The following SYT1 variants were observed in gnomAD, a reference collection of about 807,000 sequenced individuals.
SYT1 encodes the protein synaptotagmin 1, also known as synaptotagmin-1.
A neutral mutation model predicts 44.8 loss-of-function variants in SYT1; 8 were observed. The ratio of observed to expected loss-of-function variants is 0.18; its 90% CI spans 0.10 to 0.32. The LOEUF (loss-of-function observed/expected upper bound fraction) is 0.32. Ranked by LOEUF, SYT1 falls within the 10% of genes least tolerant of loss-of-function variation. The pLI is 1.00. For missense variants in SYT1, 286 were observed against 509.3 expected, an observed-to-expected ratio of 0.56 and a Z score of 4.22; for synonymous variants, 154 against 188.8, an observed-to-expected ratio of 0.82 and a Z score of 1.51.
chr12:78,868,866 T>C (rs1873678955), intron 1 of SYT1: 1 of 151,782 alleles, frequency 6.6e-6, no homozygotes, highest in South Asian at 2.1e-4. Context: ...ATATGTATCA[T>C]GATTGAAAAA....
chr12:79,094,451 C>A (rs1565803721), intron 3 of SYT1, among the ~76,000 whole-genome samples: 1 of 151,714 alleles, frequency 6.6e-6, no homozygotes, highest in Non-Finnish European at 1.5e-5. Context: ...GAAATTTTAT[C>A]CCATGTAGAT....
At chr12:79,068,905 A>G (rs551352735) in intron 3 of SYT1, among the ~76,000 whole-genome samples, 23 of 152,280 alleles carry the variant, frequency 1.5e-4, no homozygotes, top group South Asian at 6.2e-4. Flanking sequence ...TCCTTTTATG[A>G]TCTAGCAAAT....
chr12:79,223,543 C>G (rs1007501451), intron 4 of SYT1, among the ~76,000 whole-genome samples: 2 of 152,140 alleles, frequency 1.3e-5, no homozygotes, highest in Non-Finnish European at 2.9e-5. Flanking sequence ...ATGGCACTTC[C>G]AGAATCTCAG....
At chr12:79,160,338 A>C (rs1040485242) in intron 3 of SYT1, among the ~76,000 whole-genome samples, 101 of 152,258 alleles carry the variant, frequency 6.6e-4, no homozygotes, top group African/African-American at 2.3e-3. Context: ...CTCAGAAAAG[A>C]AGATAGAACT....
At chr12:79,266,872 A>G (rs930384617) in intron 4 of SYT1, among the ~76,000 whole-genome samples, 1 of 152,186 alleles carries the variant, frequency 6.6e-6, no homozygotes, top group Non-Finnish European at 1.5e-5. Flanking sequence ...TACTTAGGCA[A>G]GTGAGGGGCT....
chr12:79,162,737 A>G (rs1871024571), intron 3 of SYT1, among the ~76,000 whole-genome samples: 1 of 152,124 alleles, frequency 6.6e-6, no homozygotes, highest in Non-Finnish European at 1.5e-5. Flanking sequence ...AACTCATCCA[A>G]TACTTACAAA....
chr12:78,872,053 T>C (rs1873849241), intron 1 of SYT1, among the ~76,000 whole-genome samples: 1 of 151,952 alleles, frequency 6.6e-6, no homozygotes, highest in Non-Finnish European at 1.5e-5. Context: ...ACATTACAAA[T>C]AATGTACCTA....
At chr12:79,157,132 C>T (rs1394355754) in intron 3 of SYT1, among the ~76,000 whole-genome samples, 1 of 152,170 alleles carries the variant, frequency 6.6e-6, no homozygotes, top group Non-Finnish European at 1.5e-5. Context: ...GCTCCTGCCA[C>T]CTCTGCACCT....
chr12:78,910,399 C>A (rs1026215583), intron 1 of SYT1, among the ~76,000 whole-genome samples: 1 of 151,844 alleles, frequency 6.6e-6, no homozygotes, highest in African/African-American at 2.4e-5. Context: ...TGTACTAAAC[C>A]TGGGTTAACT....
chr12:78,870,442 G>A lies in SYT1; in HGVS notation c.-217+5333G>A, dbSNP rs184206770. ...ATCAAAGGGTATTATATAAGTAAAAGTAATTGTGTCTTATTTCCTGTGATA... is the reference window on the plus strand; with the variant it reads ...ATCAAAGGGTATTATATAAGTAAAAATAATTGTGTCTTATTTCCTGTGATA... On this transcript the variant is annotated intron_variant, in intron 1 of 10. Coordinates refer to ENST00000261205, the MANE Select transcript of SYT1 (RefSeq NM_005639.3). Among the ~76,000 whole-genome samples the A allele has an allele frequency of 2.4e-3, 372 of 152,164 alleles. 1 individual carries two copies. The highest frequency in any genetic ancestry group is 8.6e-3 in the African/African-American group (355 of 41,500).
At chr12:79,118,161 C>G (rs568765769) in intron 3 of SYT1, among the ~76,000 whole-genome samples, 35 of 152,196 alleles carry the variant, frequency 2.3e-4, no homozygotes, top group African/African-American at 8.4e-4. Context: ...TTTTCTTGAA[C>G]TACATTATCA....
At chr12:79,058,849 A>G (rs533722405) in intron 3 of SYT1, among the ~76,000 whole-genome samples, 77 of 152,176 alleles carry the variant, frequency 5.1e-4, no homozygotes, top group African/African-American at 1.6e-3. Flanking sequence ...ATTTTCTTCA[A>G]TACTATACTT....
intron 2 of SYT1, among the ~76,000 whole-genome samples, chr12:79,043,528 G>C (rs1186205557): frequency 1.3e-5 from 2 of 150,718 alleles, no homozygotes; most frequent in African/African-American, 4.9e-5. Context: ...GTCTCTGCAT[G>C]TGAGATGGGT....
At chr12:79,111,458 A>T (rs1879005759) in intron 3 of SYT1, among the ~76,000 whole-genome samples, 1 of 152,044 alleles carries the variant, frequency 6.6e-6, no homozygotes, top group Non-Finnish European at 1.5e-5. Flanking sequence ...GAGTTTTTTT[A>T]TTCATCTTAA....
At chr12:79,027,397 A>G (rs1374258445) in intron 2 of SYT1, among the ~76,000 whole-genome samples, 1 of 151,558 alleles carries the variant, frequency 6.6e-6, no homozygotes, top group Non-Finnish European at 1.5e-5. Context: ...TGAGGACTTC[A>G]TCATATTTAA....
At chr12:79,325,195 G>A (rs1305379337) in intron 8 of SYT1, among the ~76,000 whole-genome samples, 2 of 152,184 alleles carry the variant, frequency 1.3e-5, no homozygotes, top group African/African-American at 4.8e-5. Flanking sequence ...ATTTTAACAA[G>A]GCTTTTGGCC....
At position 79,339,041 on chromosome 12, in the gene SYT1, G is replaced by A. The variant is rs1882232702; in HGVS notation, c.811-14461G>A. Among the ~76,000 whole-genome samples, 13 of 152,250 alleles carry A rather than the reference G, an allele frequency of 8.5e-5. 1 individual carries two copies. In the South Asian group the frequency reaches 2.5e-3, roughly 29 times the overall value. On this transcript the variant is annotated intron_variant, in intron 8 of 10. Coordinates refer to ENST00000261205, the MANE Select transcript of SYT1 (RefSeq NM_005639.3). ...GCGTAGTATTCCATGGTGTATATGT[G>A]CCGCATTTTCTTAATCCAGTCTATC...
intron 2 of SYT1, among the ~76,000 whole-genome samples, chr12:79,011,057 G>A (rs895902877): frequency 1.3e-5 from 2 of 152,106 alleles, no homozygotes; most frequent in African/African-American, 2.4e-5. Context: ...TACAGAATTT[G>A]CGTTCTATTT....
chr12:79,307,614 C>CTGGGGG (rs979330385), intron 8 of SYT1, among the ~76,000 whole-genome samples: 3 of 20,868 alleles, frequency 1.4e-4, no homozygotes, highest in Non-Finnish European at 2.1e-4. Flanking sequence ...GTCGGAAGGG[C>CTGGGGG]TGGGGGTGGG....
Sources: gnomAD v4.1 joint callset for allele counts (sites outside exome capture counted in the v4.1 genomes callset) on GRCh38, gnomAD v4.1.1 for gene constraint, MANE v1.5 for transcripts, NCBI Gene and HGNC (gene_info 2026-07-23, HGNC 2026-07-21) for gene names.